The following RTTN variants were observed in gnomAD, a reference collection of about 807,000 sequenced individuals.
The protein encoded by RTTN is rotatin.
Under a neutral mutation model 269.2 loss-of-function variants are expected in RTTN, and 182 were observed. That is an observed-to-expected ratio of 0.68 (90% CI 0.60 to 0.76). The LOEUF (loss-of-function observed/expected upper bound fraction) is 0.76, where lower values mean the gene tolerates loss of function less well. Among genes scored for constraint, RTTN ranks in the 30% least tolerant of loss-of-function variants. The probability of loss-of-function intolerance (pLI) is 0.00; values close to 1 mark genes in which losing one functional copy is unlikely to be tolerated. For missense variants in RTTN, 2,545 were observed against 2,608.6 expected, an observed-to-expected ratio of 0.98 and a Z score of 0.53; for synonymous variants, 1,006 against 963.5, an observed-to-expected ratio of 1.04 and a Z score of -0.82.
intron 36 of RTTN, among the ~76,000 whole-genome samples, chr18:70,058,452 A>G (rs897578026): frequency 6.6e-6 from 1 of 152,222 alleles, no homozygotes; most frequent in African/African-American, 2.4e-5. Context: ...CAGGAGGCGG[A>G]GGTTGCAGTG....
At chr18:70,023,484 T>G (rs1437609188) in intron 44 of RTTN, among the ~76,000 whole-genome samples, 1 of 152,232 alleles carries the variant, frequency 6.6e-6, no homozygotes, top group Admixed American at 6.5e-5. Flanking sequence ...TGATTCCTAC[T>G]ACTTTCTCAC....
At chr18:70,078,180 A>C (rs2058476266) in intron 32 of RTTN, among the ~76,000 whole-genome samples, 1 of 151,184 alleles carries the variant, frequency 6.6e-6, no homozygotes, top group Non-Finnish European at 1.5e-5. Flanking sequence ...CATCAGCCAT[A>C]AAGAAGTAAA....
At chr18:70,110,463 C>T (rs1025517333) in intron 27 of RTTN, among the ~76,000 whole-genome samples, 10 of 151,962 alleles carry the variant, frequency 6.6e-5, no homozygotes, top group African/African-American at 9.7e-5. Flanking sequence ...CGCAAGGGGT[C>T]GGGGAATTTT....
intron 25 of RTTN, among the ~76,000 whole-genome samples, chr18:70,126,322 T>C (rs1211090305): frequency 1.3e-5 from 2 of 152,042 alleles, no homozygotes; most frequent in Non-Finnish European, 2.9e-5. Flanking sequence ...TAGGGACATA[T>C]TACATTTATT....
At chr18:70,157,280 A>C (rs1217550246) in intron 14 of RTTN, among the ~76,000 whole-genome samples, 1 of 152,022 alleles carries the variant, frequency 6.6e-6, no homozygotes, top group Non-Finnish European at 1.5e-5. Context: ...GCTTGACCTC[A>C]AGGGACCAGA....
At chr18:70,050,993 G>A (rs2057648318) in intron 39 of RTTN, among the ~76,000 whole-genome samples, 1 of 152,088 alleles carries the variant, frequency 6.6e-6, no homozygotes, top group Admixed American at 6.6e-5. Flanking sequence ...TAGATGATCG[G>A]TTGATAGGTG....
rs534226888 is a variant in RTTN, at chr18:70,093,810, C to T, written c.3904-1006G>A. On this transcript the variant is annotated intron_variant, in intron 28 of 48. Transcript: ENST00000640769. The stretch of plus-strand genomic sequence containing the variant: ...GATTTTGGTATCAGGATGATGCTGG[C>T]CTCATAAAATGAGTTACGGAGGATT... Among the ~76,000 whole-genome samples the T allele has an allele frequency of 2.0e-5, 3 of 152,162 alleles. No individual in the cohort carries two copies. The South Asian group carries it at 6.2e-4, about 32-fold the overall frequency.
intron 4 of RTTN, among the ~76,000 whole-genome samples, chr18:70,200,986 C>G (rs141695860): frequency 2.4e-4 from 37 of 152,062 alleles, no homozygotes; most frequent in South Asian, 4.2e-4. Flanking sequence ...AAACTTAAAA[C>G]AAAAATAATA....
intron 11 of RTTN, among the ~76,000 whole-genome samples, chr18:70,174,818 C>G (rs1292764912): frequency 6.6e-6 from 1 of 150,888 alleles, no homozygotes; most frequent in Non-Finnish European, 1.5e-5. Context: ...GTCAGGAGTT[C>G]AAGATCAGCC....
rs534683554 is a variant in RTTN, at chr18:70,154,762, T to A, written c.1930-4029A>T. ...GGCATTCCCTCCTCCCCGACAGCAATGAAATAACTCAACCCTTGATTGATC... is the reference window on the plus strand; with the variant it reads ...GGCATTCCCTCCTCCCCGACAGCAAAGAAATAACTCAACCCTTGATTGATC... On this transcript the variant is annotated intron_variant, in intron 14 of 48. Transcript: ENST00000640769. Among the ~76,000 whole-genome samples, 12 of 152,238 alleles carry A rather than the reference T, an allele frequency of 7.9e-5. No individual in the cohort carries two copies. The East Asian group carries it at 2.3e-3, about 29-fold the overall frequency.
At chr18:70,202,125 G>T in intron 3 of RTTN, 142 bp from the exon 4 acceptor site, 1 of 554,938 alleles carries the variant, frequency 1.8e-6, no homozygotes, top group Non-Finnish European at 3.1e-6. Context: ...TTTTCTGAAT[G>T]ATCTATCTTG....
At chr18:70,077,993 G>A (rs1199415945) in intron 32 of RTTN, among the ~76,000 whole-genome samples, 1 of 151,534 alleles carries the variant, frequency 6.6e-6, no homozygotes, top group Non-Finnish European at 1.5e-5. Flanking sequence ...ACAAAAAAAG[G>A]AAATTCATCT....
rs553308717 is a variant in RTTN, at chr18:70,055,347, C to G, written c.5032-1063G>C. Among the ~76,000 whole-genome samples the G allele has an allele frequency of 1.1e-4, 16 of 152,096 alleles. No individual in the cohort carries two copies. The South Asian group carries it at 2.9e-3, about 28-fold the overall frequency. On this transcript the variant is annotated intron_variant, in intron 37 of 48. Transcript: ENST00000640769. ...CACACACACACACACTTTTTTTCCTCTCACCTTATTCTGGGGTTGTAAGAG... is the reference window on the plus strand; with the variant it reads ...CACACACACACACACTTTTTTTCCTGTCACCTTATTCTGGGGTTGTAAGAG...
At chr18:70,152,844 C>T (rs2060574344) in intron 14 of RTTN, among the ~76,000 whole-genome samples, 1 of 152,172 alleles carries the variant, frequency 6.6e-6, no homozygotes. Context: ...AATCCATTCC[C>T]CACAATGGGA....
At chr18:70,073,864 CAG>C in intron 34 of RTTN, 40 bp downstream of exon 34, 2 of 1,461,162 alleles carry the variant, frequency 1.4e-6, no homozygotes, top group Non-Finnish European at 1.9e-6. Flanking sequence ...CAAATTTTTT[CAG>C]AGATTCAAAA....
Position 70,091,869 on chromosome 18 carries a change from C to T in RTTN, c.4143+241G>A, listed in dbSNP as rs550198652. ...CCAAGTTCACAGCATTCTCCTGCTGCAGCCTCCCAAGTAGCTGGGACTACA... is the reference window on the plus strand; with the variant it reads ...CCAAGTTCACAGCATTCTCCTGCTGTAGCCTCCCAAGTAGCTGGGACTACA... On this transcript the variant is annotated intron_variant, in intron 30 of 48. Coordinates refer to ENST00000640769, the MANE Select transcript of RTTN (RefSeq NM_173630.4). Among the ~76,000 whole-genome samples, 12 of 151,962 alleles carry T rather than the reference C, an allele frequency of 7.9e-5. No homozygotes were observed. The East Asian group carries it at 2.3e-3, about 29-fold the overall frequency.
chr18:70,059,296 C>T (rs1165575876), intron 36 of RTTN, among the ~76,000 whole-genome samples: 1 of 152,002 alleles, frequency 6.6e-6, no homozygotes, highest in Non-Finnish European at 1.5e-5. Context: ...CTATACCTTC[C>T]TAGAAATTCA....
intron 40 of RTTN, among the ~76,000 whole-genome samples, chr18:70,034,780 C>T (rs954237762): frequency 2.6e-5 from 4 of 152,052 alleles, no homozygotes; most frequent in Non-Finnish European, 4.4e-5. Context: ...TGACATGATC[C>T]TATATCTAGA....
chr18:70,083,753 T>C (rs1239763355), intron 32 of RTTN, among the ~76,000 whole-genome samples: 3 of 151,914 alleles, frequency 2.0e-5, no homozygotes. Flanking sequence ...AAGCCAGAGA[T>C]ATGGAAAAAG....
Sources: allele counts gnomAD v4.1 joint callset (sites outside exome capture counted in the v4.1 genomes callset), GRCh38; gene constraint gnomAD v4.1.1; transcripts MANE v1.5; gene names NCBI Gene and HGNC (gene_info 2026-07-23, HGNC 2026-07-21).